NAALADL2: variants seen among roughly 807,000 people sequenced by gnomAD.
NAALADL2 encodes N-acetylated alpha-linked acidic dipeptidase like 2, also known as inactive N-acetylated-alpha-linked acidic dipeptidase-like protein 2.
NAALADL2 carries 76 observed loss-of-function variants against 87.2 expected under a neutral mutation model. That is an observed-to-expected ratio of 0.87 (90% CI 0.72 to 1.05). The LOEUF is 1.05. Among genes scored for constraint, NAALADL2 ranks in the 50% least tolerant of loss-of-function variants. The probability of loss-of-function intolerance (pLI) is 0.00; values close to 1 mark genes in which losing one functional copy is unlikely to be tolerated. For missense variants in NAALADL2, 1,089 were observed against 945.8 expected (o/e 1.15, Z -1.99); for synonymous variants, 354 against 331.0 (o/e 1.07, Z -0.75).
At chr3:175,715,993 G>A (rs1198097041) in intron 11 of NAALADL2, among the ~76,000 whole-genome samples, 1 of 151,380 alleles carries the variant, frequency 6.6e-6, no homozygotes, top group Non-Finnish European at 1.5e-5. Flanking sequence ...TAAACCTACT[G>A]TAAGGAATGA....
At chr3:175,439,649 A>G (rs1307518537) in intron 5 of NAALADL2, among the ~76,000 whole-genome samples, 2 of 149,726 alleles carry the variant, frequency 1.3e-5, no homozygotes, top group Admixed American at 6.6e-5. Context: ...CTTGTGAAAA[A>G]TGTTTTTTCA....
chr3:175,480,999 G>C (rs1003115766), intron 9 of NAALADL2, among the ~76,000 whole-genome samples: 1 of 151,784 alleles, frequency 6.6e-6, no homozygotes, highest in African/African-American at 2.4e-5. Context: ...GAAACACTGA[G>C]AACATTTTTT....
At chr3:175,289,789 T>G (rs2110134366) in intron 4 of NAALADL2, among the ~76,000 whole-genome samples, 1 of 152,096 alleles carries the variant, frequency 6.6e-6, no homozygotes, top group Non-Finnish European at 1.5e-5. Context: ...AGAGAGATCT[T>G]GTCTCAAAAA....
chr3:175,452,172 G>T (rs1721673224), intron 6 of NAALADL2, among the ~76,000 whole-genome samples: 1 of 152,176 alleles, frequency 6.6e-6, no homozygotes, highest in Non-Finnish European at 1.5e-5. Flanking sequence ...CTTCAGAATT[G>T]CTCCATGTGA....
intron 1 of NAALADL2, among the ~76,000 whole-genome samples, chr3:174,499,106 T>C (rs1470077134): frequency 6.6e-6 from 1 of 152,110 alleles, no homozygotes; most frequent in African/African-American, 2.4e-5. Flanking sequence ...GGCATGTATA[T>C]ATAGGAAAAT....
chr3:175,740,453 C>G (rs1236909594), intron 12 of NAALADL2, among the ~76,000 whole-genome samples: 3 of 152,102 alleles, frequency 2.0e-5, no homozygotes, highest in African/African-American at 7.2e-5. Context: ...CTGGGACTTG[C>G]TAGGCCATAT....
chr3:175,377,569 A>G (rs1581647898), intron 5 of NAALADL2, among the ~76,000 whole-genome samples: 1 of 152,206 alleles, frequency 6.6e-6, no homozygotes, highest in African/African-American at 2.4e-5. Context: ...CTAGGCAGAC[A>G]GGGGCCAGTC....
chr3:174,919,875 T>TTA lies in NAALADL2; in HGVS notation c.43+60426_43+60427dup, dbSNP rs1300675176. On this transcript the variant is annotated intron_variant, in intron 1 of 13. Transcript: ENST00000454872. ...ATCCATATGCTGCAGAACTTATGTG[T>TTA]TAGCAGCCATAGAAACAATATTAAT... Among the ~76,000 whole-genome samples, 9 of 152,308 alleles carry TTA rather than the reference T, an allele frequency of 5.9e-5. No individual in the cohort carries two copies. In the South Asian group the frequency reaches 1.7e-3, roughly 28 times the overall value.
chr3:174,593,775 A>G (rs1717619256), intron 2 of NAALADL2, among the ~76,000 whole-genome samples: 1 of 152,082 alleles, frequency 6.6e-6, no homozygotes, highest in South Asian at 2.1e-4. Context: ...CCTGACACTT[A>G]CTTTTCTGGT....
intron 2 of NAALADL2, among the ~76,000 whole-genome samples, chr3:175,212,666 T>C (rs553964768): frequency 6.6e-6 from 1 of 152,184 alleles, no homozygotes; most frequent in Admixed American, 6.6e-5. Context: ...TGTCTCTGTT[T>C]TCCTTGTTCT....
At chr3:174,778,406 G>A (rs1167866655) in intron 3 of NAALADL2, among the ~76,000 whole-genome samples, 2 of 152,082 alleles carry the variant, frequency 1.3e-5, no homozygotes, top group Non-Finnish European at 2.9e-5. Flanking sequence ...AACTTTGAAA[G>A]AGGGATTTTT....
intron 1 of NAALADL2, among the ~76,000 whole-genome samples, chr3:174,463,865 T>TTACA (rs1443796227): frequency 1.3e-5 from 2 of 152,186 alleles, no homozygotes. Context: ...CCCAAAATGC[T>TTACA]GGGATTACAG....
intron 1 of NAALADL2, among the ~76,000 whole-genome samples, chr3:174,489,869 TGTAACCCTTATAA>T (rs1247166859): frequency 1.3e-5 from 2 of 152,024 alleles, no homozygotes; most frequent in Non-Finnish European, 2.9e-5. Context: ...TACCCTTATA[TGTAACCCTTATAA>T]GTAACCCTTA....
chr3:175,588,408 T>C (rs999564109), intron 10 of NAALADL2, among the ~76,000 whole-genome samples: 2 of 148,908 alleles, frequency 1.3e-5, no homozygotes, highest in African/African-American at 4.9e-5. Context: ...AATATAATAC[T>C]ATAGGGGTAT....
chr3:175,140,700 T>G (rs1049728726), intron 2 of NAALADL2, among the ~76,000 whole-genome samples: 1 of 152,104 alleles, frequency 6.6e-6, no homozygotes, highest in Non-Finnish European at 1.5e-5. Flanking sequence ...ACGGAGAATG[T>G]TGAGATAGAC....
intron 2 of NAALADL2, among the ~76,000 whole-genome samples, chr3:174,701,425 C>G (rs1729544251): frequency 6.6e-6 from 1 of 151,862 alleles, no homozygotes; most frequent in Non-Finnish European, 1.5e-5. Flanking sequence ...TTCAAGAATT[C>G]ATTAGGCTAT....
intron 4 of NAALADL2, among the ~76,000 whole-genome samples, chr3:175,262,654 C>T (rs138207121): frequency 3.3e-5 from 5 of 150,136 alleles, no homozygotes; most frequent in African/African-American, 1.2e-4. Context: ...TGTAATGAGG[C>T]AGTGGGGCCA....
intron 6 of NAALADL2, 36 bp downstream of exon 6, chr3:175,447,408 T>C (rs1249328899): frequency 8.4e-6 from 12 of 1,431,170 alleles, no homozygotes; most frequent in Non-Finnish European, 1.0e-5. Flanking sequence ...TATTTTACAG[T>C]TTTTTTAAAG....
intron 1 of NAALADL2, among the ~76,000 whole-genome samples, chr3:175,078,641 C>CTA (rs1253513124): frequency 2.6e-5 from 4 of 152,164 alleles, no homozygotes; most frequent in Non-Finnish European, 4.4e-5. Flanking sequence ...CTTTCTGTCT[C>CTA]TATATCTGCC....
Sources: gnomAD v4.1 joint callset for allele counts (sites outside exome capture counted in the v4.1 genomes callset) on GRCh38, gnomAD v4.1.1 for gene constraint, MANE v1.5 for transcripts, NCBI Gene and HGNC (gene_info 2026-07-23, HGNC 2026-07-21) for gene names.